SEMA3D: variants seen among roughly 807,000 people sequenced by gnomAD.
SEMA3D encodes semaphorin-3D.
Under a neutral mutation model 100.1 loss-of-function variants are expected in SEMA3D, and 84 were observed. That is an observed-to-expected ratio of 0.84 (90% CI 0.70 to 1.01). The LOEUF (loss-of-function observed/expected upper bound fraction) is 1.01, where lower values mean the gene tolerates loss of function less well. SEMA3D is among the 50% of genes least tolerant of loss of function. The pLI is 0.00. For missense variants in SEMA3D, 875 were observed against 934.1 expected, an observed-to-expected ratio of 0.94 and a Z score of 0.82; for synonymous variants, 312 against 320.7, an observed-to-expected ratio of 0.97 and a Z score of 0.29.
At chr7:85,009,638 A>C (rs1168071566) in intron 17 of SEMA3D, among the ~76,000 whole-genome samples, 2 of 151,766 alleles carry the variant, frequency 1.3e-5, no homozygotes, top group Non-Finnish European at 3.0e-5. Context: ...AGCACCTATA[A>C]AGTAAGAAAT....
chr7:85,038,200 A>AAAT (rs962241344), intron 11 of SEMA3D, among the ~76,000 whole-genome samples: 5 of 151,984 alleles, frequency 3.3e-5, no homozygotes, highest in South Asian at 2.1e-4. Context: ...AGTATAATAA[A>AAAT]AATAATAATA....
At chr7:85,128,345 T>G (rs954699015) in intron 2 of SEMA3D, among the ~76,000 whole-genome samples, 9 of 151,526 alleles carry the variant, frequency 5.9e-5, no homozygotes, top group Admixed American at 4.0e-4. Flanking sequence ...ATTTTTTGTA[T>G]TTTTTAGTAG....
At position 85,081,640 on chromosome 7, in the gene SEMA3D, A is replaced by G. The variant is rs951427182; in HGVS notation, c.313-61T>C. 63 of 1,102,850 alleles carry G rather than the reference A, an allele frequency of 5.7e-5. 1 individual carries two copies. Among genetic ancestry groups the G allele is most frequent in the African/African-American group, 1.2e-4 (8 of 64,956 alleles). 68.3% of individuals were successfully genotyped at this position (1,102,850 alleles called of 1,614,324 possible). A position where few individuals can be genotyped will look rare whatever the true frequency, so the allele number is the denominator to read the frequency against. ...ATCTGAAACACCCTAACACTCTGCA[A>G]TTCTGCTCAGAGAGTGAATGTGTGA... On this transcript the variant is annotated intron_variant, in intron 4 of 18. Transcript: ENST00000284136.
the SEMA3D span, among the ~76,000 whole-genome samples, chr7:85,201,324 A>T: frequency 2.6e-5 from 4 of 152,154 alleles, no homozygotes; most frequent in Non-Finnish European, 5.9e-5. Context: ...CCCCTTCATT[A>T]CAATTCCCCA....
chr7:85,076,997 T>C (rs936783995), intron 5 of SEMA3D, among the ~76,000 whole-genome samples: 2 of 151,448 alleles, frequency 1.3e-5, no homozygotes, highest in Non-Finnish European at 2.9e-5. Flanking sequence ...TCCCAGCTAC[T>C]CAGGAGGCTG....
intron 2 of SEMA3D, among the ~76,000 whole-genome samples, chr7:85,143,556 G>A (rs915806182): frequency 6.6e-6 from 1 of 151,970 alleles, no homozygotes; most frequent in Non-Finnish European, 1.5e-5. Flanking sequence ...ACATAGAAGA[G>A]ATACAACAAA....
intron 8 of SEMA3D, among the ~76,000 whole-genome samples, chr7:85,060,008 G>A (rs182785619): frequency 1.3e-5 from 2 of 152,198 alleles, no homozygotes; most frequent in African/African-American, 4.8e-5. Context: ...ACATCAATGA[G>A]GTGGGAGGAG....
chr7:85,074,995 A>G (rs1472083683), intron 5 of SEMA3D, among the ~76,000 whole-genome samples: 1 of 152,222 alleles, frequency 6.6e-6, no homozygotes, highest in African/African-American at 2.4e-5. Context: ...GAAAATGTAC[A>G]TGATCACCAG....
the SEMA3D span, among the ~76,000 whole-genome samples, chr7:85,226,128 T>G: frequency 6.6e-6 from 1 of 152,178 alleles, no homozygotes; most frequent in Non-Finnish European, 1.5e-5. Flanking sequence ...ATTAAGGCTG[T>G]TTAACATTCC....
At chr7:85,150,034 A>C (rs924197307) in intron 2 of SEMA3D, among the ~76,000 whole-genome samples, 1 of 152,018 alleles carries the variant, frequency 6.6e-6, no homozygotes, top group Non-Finnish European at 1.5e-5. Flanking sequence ...GGTACTAAGG[A>C]TCTCAGTGTT....
intron 12 of SEMA3D, 47 bp from the exon 13 acceptor site, chr7:85,022,660 A>G: frequency 8.3e-7 from 1 of 1,198,224 alleles, no homozygotes; most frequent in Non-Finnish European, 1.2e-6. Flanking sequence ...TATGCACCTG[A>G]GAAGTTCACA....
At chr7:85,228,935 A>G in the SEMA3D span, among the ~76,000 whole-genome samples, 1 of 152,086 alleles carries the variant, frequency 6.6e-6, no homozygotes, top group Non-Finnish European at 1.5e-5. Context: ...AGCCCAGTTT[A>G]TAAAATGCTT....
At chr7:85,003,614 T>C (rs995106685) in intron 18 of SEMA3D, among the ~76,000 whole-genome samples, 4 of 139,924 alleles carry the variant, frequency 2.9e-5, no homozygotes, top group African/African-American at 1.0e-4. Context: ...TAAATGTATA[T>C]GTATAACATT....
chr7:85,183,913 G>A (rs1293814553), intron 1 of SEMA3D, among the ~76,000 whole-genome samples: 1 of 152,140 alleles, frequency 6.6e-6, no homozygotes, highest in East Asian at 1.9e-4. Context: ...AGTAGACTGA[G>A]GAAAACCTAA....
At chr7:85,236,077 T>C in the SEMA3D span, among the ~76,000 whole-genome samples, 1 of 152,060 alleles carries the variant, frequency 6.6e-6, no homozygotes, top group Non-Finnish European at 1.5e-5. Context: ...GACATCCCAG[T>C]AGTTAGGTAT....
At chr7:85,046,082 G>T (rs1429098666) in intron 9 of SEMA3D, among the ~76,000 whole-genome samples, 3 of 151,836 alleles carry the variant, frequency 2.0e-5, no homozygotes, top group Non-Finnish European at 1.5e-5. Context: ...ACTAAAGTTT[G>T]TCTTACCCAT....
At chr7:85,127,245 T>C (rs745500609) in intron 2 of SEMA3D, among the ~76,000 whole-genome samples, 24 of 152,192 alleles carry the variant, frequency 1.6e-4, no homozygotes, top group South Asian at 2.1e-4. Context: ...AAGCTATTTG[T>C]CAGTAAATAT....
Position 85,065,531 on chromosome 7 carries a change from G to A in SEMA3D, c.611C>T (p.Thr204Ile), listed in dbSNP as rs1791593211. 6.2e-7 allele frequency: 1 copy of A among 1,613,014 alleles called. No individual in the cohort carries two copies. Among genetic ancestry groups the A allele is most frequent in the Middle Eastern group, 1.7e-4 (1 of 6,058 alleles). Residue 204 changes from threonine (T) to isoleucine (I), a missense_variant, in exon 8 of 19, where the codon ACA becomes ATA. Thr to Ile is a moderately conservative substitution (Grantham distance 89). Coordinates refer to ENST00000284136, the MANE Select transcript of SEMA3D (RefSeq NM_001384900.1). ...VMTDEYLYSG[T>I]ASDFLGKDTA... ...ATCTTTGCCAAGGAAATCAGAAGCT[G>A]TTCCAGAGTAGAGGTACTCATCTGA... is the stretch of plus-strand genomic sequence containing the variant.
At chr7:85,151,860 T>G (rs546208935) in intron 2 of SEMA3D, 8 of 322,548 alleles carry the variant, frequency 2.5e-5, no homozygotes, top group African/African-American at 1.3e-4. Context: ...GACCTTACTT[T>G]GATAAAAATA....
Sources: gnomAD v4.1 joint callset for allele counts (sites outside exome capture counted in the v4.1 genomes callset) on GRCh38, gnomAD v4.1.1 for gene constraint, MANE v1.5 for transcripts, NCBI Gene and HGNC (gene_info 2026-07-23, HGNC 2026-07-21) for gene names.